Variants in PPARGC1A observed in about 807,000 individuals in gnomAD.
PPARGC1A encodes the protein PPARG coactivator 1 alpha.
PPARGC1A carries 25 observed loss-of-function variants against 88.7 expected under a neutral mutation model. The observed-to-expected ratio is 0.28, with a 90% CI of 0.21 to 0.39. The LOEUF (loss-of-function observed/expected upper bound fraction) is 0.39. PPARGC1A is among the 10% of genes least tolerant of loss of function. The pLI is 1.00. For missense variants in PPARGC1A, 880 were observed against 968.7 expected, an observed-to-expected ratio of 0.91 and a Z score of 1.22; for synonymous variants, 363 against 355.6, an observed-to-expected ratio of 1.02 and a Z score of -0.24.
the PPARGC1A span, among the ~76,000 whole-genome samples, chr4:24,359,370 A>T: frequency 2.4e-3 from 363 of 152,232 alleles, 5 homozygotes; most frequent in East Asian, 0.037. Context: ...CTCTGTAAAG[A>T]TGCCTCCACC....
the PPARGC1A span, among the ~76,000 whole-genome samples, chr4:24,071,452 C>G: frequency 6.6e-6 from 1 of 152,122 alleles, no homozygotes; most frequent in African/African-American, 2.4e-5. Flanking sequence ...TTATGCCATT[C>G]CTTTTATCAA....
intron 10 of PPARGC1A, among the ~76,000 whole-genome samples, chr4:23,806,751 C>A (rs1719880086): frequency 2.6e-5 from 4 of 152,154 alleles, no homozygotes; most frequent in Admixed American, 2.6e-4. Flanking sequence ...CTTCACATTA[C>A]TAAAATCTTT....
At chr4:24,345,103 C>T in the PPARGC1A span, among the ~76,000 whole-genome samples, 1 of 151,952 alleles carries the variant, frequency 6.6e-6, no homozygotes, top group Non-Finnish European at 1.5e-5. Flanking sequence ...CATTCTGTTC[C>T]GTTTGTCTAT....
the PPARGC1A span, among the ~76,000 whole-genome samples, chr4:24,461,337 A>G: frequency 6.6e-6 from 1 of 152,246 alleles, no homozygotes; most frequent in Non-Finnish European, 1.5e-5. Context: ...TTCTAAAGTC[A>G]AAACAATGAG....
At chr4:23,961,910 A>T in the PPARGC1A span, among the ~76,000 whole-genome samples, 3 of 152,198 alleles carry the variant, frequency 2.0e-5, no homozygotes, top group African/African-American at 7.2e-5. Flanking sequence ...GAACACTTTA[A>T]CTAATAAGCT....
At chr4:24,122,794 T>C in the PPARGC1A span, among the ~76,000 whole-genome samples, 30 of 152,160 alleles carry the variant, frequency 2.0e-4, no homozygotes, top group African/African-American at 7.0e-4. Flanking sequence ...TCCTAAATGA[T>C]TAAGAGGAAT....
At chr4:24,094,559 C>T in the PPARGC1A span, among the ~76,000 whole-genome samples, 2 of 152,212 alleles carry the variant, frequency 1.3e-5, no homozygotes, top group East Asian at 3.8e-4. Context: ...TTCAACAATG[C>T]AGTGTGCCTT....
At chr4:23,827,531 A>T (rs1011884030) in intron 5 of PPARGC1A, among the ~76,000 whole-genome samples, 10 of 152,142 alleles carry the variant, frequency 6.6e-5, no homozygotes, top group Non-Finnish European at 1.3e-4. Context: ...TCAACTGCCC[A>T]TTTCAAGGGG....
the PPARGC1A span, among the ~76,000 whole-genome samples, chr4:24,245,628 C>T: frequency 2.0e-5 from 3 of 152,272 alleles, no homozygotes; most frequent in East Asian, 5.8e-4. Flanking sequence ...GGTACGAGGA[C>T]CACACACAGC....
At chr4:23,913,482 T>C in the PPARGC1A span, among the ~76,000 whole-genome samples, 3 of 151,874 alleles carry the variant, frequency 2.0e-5, no homozygotes, top group East Asian at 3.9e-4. Context: ...ATGGAGGCCC[T>C]TCCATAGTAG....
At chr4:24,143,841 C>T in the PPARGC1A span, among the ~76,000 whole-genome samples, 1 of 152,230 alleles carries the variant, frequency 6.6e-6, no homozygotes, top group African/African-American at 2.4e-5. Context: ...AGAACCGCCA[C>T]TTGGCATTAC....
At chr4:23,799,915 C>A (rs956342334) in intron 12 of PPARGC1A, among the ~76,000 whole-genome samples, 2 of 152,136 alleles carry the variant, frequency 1.3e-5, no homozygotes, top group Non-Finnish European at 2.9e-5. Flanking sequence ...GACTTCAATC[C>A]GTCTTGACTG....
chr4:24,078,402 A>C, the PPARGC1A span, among the ~76,000 whole-genome samples: 3 of 151,962 alleles, frequency 2.0e-5, no homozygotes, highest in African/African-American at 4.8e-5. Context: ...CTGGGGTCTC[A>C]CTCTTTAGTA....
chr4:24,116,165 G>A, the PPARGC1A span, among the ~76,000 whole-genome samples: 1 of 152,018 alleles, frequency 6.6e-6, no homozygotes, highest in Non-Finnish European at 1.5e-5. Flanking sequence ...TTGTATATAC[G>A]ATTTTTGTTT....
the PPARGC1A span, among the ~76,000 whole-genome samples, chr4:24,390,497 A>G: frequency 6.6e-6 from 1 of 152,250 alleles, no homozygotes; most frequent in South Asian, 2.1e-4. Context: ...TCAATACTGT[A>G]ATGTTTTTTA....
chr4:24,436,431 G>A, the PPARGC1A span, among the ~76,000 whole-genome samples: 9 of 152,282 alleles, frequency 5.9e-5, no homozygotes, highest in East Asian at 1.7e-3. Flanking sequence ...CATAGCCCTG[G>A]TCACAGAGCT....
chr4:24,002,126 A>AGAGAGAG, the PPARGC1A span, among the ~76,000 whole-genome samples: 1 of 148,152 alleles, frequency 6.7e-6, no homozygotes, highest in Non-Finnish European at 1.5e-5. Context: ...AGAGAGAGAG[A>AGAGAGAG]ACTTGAAGAC....
chr4:24,377,258 C>A, the PPARGC1A span, among the ~76,000 whole-genome samples: 2 of 151,984 alleles, frequency 1.3e-5, no homozygotes, highest in South Asian at 2.1e-4. Flanking sequence ...GGCTTAAATA[C>A]CCCTAAAAGC....
At chr4:23,844,725 T>TATAATATATATATTATA (rs1560428189) in intron 2 of PPARGC1A, among the ~76,000 whole-genome samples, 4 of 90,534 alleles carry the variant, frequency 4.4e-5, no homozygotes, top group African/African-American at 1.5e-4. Context: ...TATATATTAT[T>TATAATATATATATTATA]ATAATATATG....
Sources: gnomAD v4.1 joint callset for allele counts (sites outside exome capture counted in the v4.1 genomes callset) on GRCh38, gnomAD v4.1.1 for gene constraint, MANE v1.5 for transcripts, NCBI Gene and HGNC (gene_info 2026-07-23, HGNC 2026-07-21) for gene names.